Variants in TRIO observed in about 807,000 individuals in gnomAD.
TRIO encodes the protein triple functional domain protein.
A neutral mutation model predicts 351.9 loss-of-function variants in TRIO; 58 were observed. The ratio of observed to expected loss-of-function variants is 0.16; its 90% confidence interval spans 0.13 to 0.21. TRIO has a LOEUF of 0.21. Among genes scored for constraint, TRIO ranks in the 10% least tolerant of loss-of-function variants. TRIO has a pLI of 1.00. For missense variants in TRIO, 3,201 were observed against 4,027.8 expected, an observed-to-expected ratio of 0.79 and a Z score of 5.56; for synonymous variants, 1,758 against 1,595.7, an observed-to-expected ratio of 1.10 and a Z score of -2.42.
At chr5:14,319,250 G>T (rs900153269) in intron 9 of TRIO, among the ~76,000 whole-genome samples, 5 of 152,148 alleles carry the variant, frequency 3.3e-5, no homozygotes, top group African/African-American at 1.2e-4. Context: ...GCTCATTAAG[G>T]TAAATATTTT....
At chr5:14,382,847 GTGTGTGTC>G (rs965396433) in intron 21 of TRIO, among the ~76,000 whole-genome samples, 49 of 139,216 alleles carry the variant, frequency 3.5e-4, no homozygotes, top group African/African-American at 1.2e-3. Flanking sequence ...TTAGGGGCGT[GTGTGTGTC>G]TGTGTGTGTG....
chr5:14,269,978 A>T (rs1264922817), intron 1 of TRIO, among the ~76,000 whole-genome samples: 1 of 152,232 alleles, frequency 6.6e-6, no homozygotes, highest in Non-Finnish European at 1.5e-5. Flanking sequence ...GAGATCGCCG[A>T]GAGAAATATC....
At chr5:14,147,578 T>C (rs1787591258) in intron 1 of TRIO, among the ~76,000 whole-genome samples, 1 of 152,242 alleles carries the variant, frequency 6.6e-6, no homozygotes. Context: ...CATCACGTCC[T>C]GTCGTGCTTG....
chr5:14,294,939 G>A (rs765956955), intron 6 of TRIO, among the ~76,000 whole-genome samples: 2 of 152,032 alleles, frequency 1.3e-5, no homozygotes, highest in Non-Finnish European at 1.5e-5. Flanking sequence ...GAGGGGGGTC[G>A]AATATATTTT....
At chr5:14,322,572 G>T (rs1445388976) in intron 9 of TRIO, among the ~76,000 whole-genome samples, 1 of 152,160 alleles carries the variant, frequency 6.6e-6, no homozygotes, top group Non-Finnish European at 1.5e-5. Flanking sequence ...TATTTCTTCG[G>T]CCTGCAAAAG....
At chr5:14,243,401 A>G (rs574040261) in intron 1 of TRIO, among the ~76,000 whole-genome samples, 1 of 151,838 alleles carries the variant, frequency 6.6e-6, no homozygotes, top group Non-Finnish European at 1.5e-5. Context: ...CTCCCAATTC[A>G]GTTGTTTCTA....
chr5:14,146,544 A>T (rs1787534511), intron 1 of TRIO, among the ~76,000 whole-genome samples: 1 of 152,230 alleles, frequency 6.6e-6, no homozygotes, highest in Admixed American at 6.5e-5. Context: ...TGAAAGAAAG[A>T]GAAGACTTTA....
intron 1 of TRIO, among the ~76,000 whole-genome samples, chr5:14,244,684 A>G (rs1581433490): frequency 3.3e-5 from 5 of 152,216 alleles, no homozygotes; most frequent in Admixed American, 3.3e-4. Context: ...TTATGGGACC[A>G]TGTTTGACTC....
chr5:14,373,466 C>T (rs1211232482), intron 18 of TRIO, among the ~76,000 whole-genome samples: 2 of 152,026 alleles, frequency 1.3e-5, no homozygotes, highest in African/African-American at 4.8e-5. Flanking sequence ...AATTCCAGAC[C>T]CAAGACAGGA....
At chr5:14,276,629 G>A (rs1328928254) in intron 2 of TRIO, among the ~76,000 whole-genome samples, 1 of 152,242 alleles carries the variant, frequency 6.6e-6, no homozygotes, top group African/African-American at 2.4e-5. Context: ...TGGGAGGTTG[G>A]ACAGCGGCTG....
At chr5:14,167,849 C>T (rs1292833402) in intron 1 of TRIO, among the ~76,000 whole-genome samples, 9 of 152,214 alleles carry the variant, frequency 5.9e-5, no homozygotes, top group African/African-American at 2.2e-4. Flanking sequence ...AACAAGTACC[C>T]TTGCTTTACC....
chr5:14,432,822 C>CT (rs2152398689), intron 34 of TRIO, among the ~76,000 whole-genome samples: 1 of 152,312 alleles, frequency 6.6e-6, no homozygotes, highest in Non-Finnish European at 1.5e-5. Flanking sequence ...TCAAAATCAG[C>CT]TGCTTGTTCT....
chr5:14,498,064 C>T (rs1757014794), intron 51 of TRIO, 25 bp from the exon 52 acceptor site: 3 of 1,613,958 alleles, frequency 1.9e-6, no homozygotes, highest in Non-Finnish European at 2.5e-6. Context: ...GCTGATGGGC[C>T]TTTACCGACT....
At chr5:14,275,866 GTA>G (rs56388390) in intron 2 of TRIO, among the ~76,000 whole-genome samples, 9,492 of 143,898 alleles carry the variant, frequency 0.066, 373 homozygotes, top group African/African-American at 0.11. Context: ...CTCTATGTGT[GTA>G]TATATATATA....
intron 1 of TRIO, among the ~76,000 whole-genome samples, chr5:14,266,898 T>C (rs918033138): frequency 6.6e-6 from 1 of 152,218 alleles, no homozygotes; most frequent in African/African-American, 2.4e-5. Context: ...AGGACTCCCC[T>C]GGGAAACATC....
At chr5:14,363,001 CTTTT>C (rs34314596) in intron 13 of TRIO, among the ~76,000 whole-genome samples, 2 of 136,074 alleles carry the variant, frequency 1.5e-5, no homozygotes, top group Non-Finnish European at 1.6e-5. Flanking sequence ...TTTCTATCTA[CTTTT>C]TTTTTTTTTT....
chr5:14,458,766 C>T (rs1174259183), intron 34 of TRIO, among the ~76,000 whole-genome samples: 1 of 152,158 alleles, frequency 6.6e-6, no homozygotes, highest in Non-Finnish European at 1.5e-5. Flanking sequence ...CCAAACCTGC[C>T]CCTTCTCTTT....
intron 34 of TRIO, among the ~76,000 whole-genome samples, chr5:14,428,999 G>T (rs1750874714): frequency 6.6e-6 from 1 of 152,178 alleles, no homozygotes; most frequent in East Asian, 1.9e-4. Context: ...CTAGACATCA[G>T]ACTTTGCTAC....
At chr5:14,473,958 C>T in intron 39 of TRIO, 36 bp from the exon 40 acceptor site, 2 of 1,584,254 alleles carry the variant, frequency 1.3e-6, no homozygotes, top group Non-Finnish European at 1.7e-6. Context: ...CAGACATATT[C>T]CATGAAATAC....
Sources: allele counts gnomAD v4.1 joint callset (sites outside exome capture counted in the v4.1 genomes callset), GRCh38; gene constraint gnomAD v4.1.1; transcripts MANE v1.5; gene names NCBI Gene and HGNC (gene_info 2026-07-23, HGNC 2026-07-21).